The following PPP1R1C variants were observed in gnomAD, a reference collection of about 807,000 sequenced individuals.
PPP1R1C encodes protein phosphatase 1 regulatory inhibitor subunit 1C.
Under a neutral mutation model 17.4 loss-of-function variants are expected in PPP1R1C, and 15 were observed. That is an observed-to-expected ratio of 0.86 (90% confidence interval 0.58 to 1.33). The LOEUF (loss-of-function observed/expected upper bound fraction) is 1.33, where lower values mean the gene tolerates loss of function less well. Ranked by LOEUF, PPP1R1C falls within the 40% of genes most tolerant of loss-of-function variation. The pLI is 0.00. For missense variants in PPP1R1C, 143 were observed against 130.0 expected, an observed-to-expected ratio of 1.10 and a Z score of -0.48; for synonymous variants, 35 against 43.1, an observed-to-expected ratio of 0.81 and a Z score of 0.73.
chr2:181,965,960 A>G (rs1367675694), intron 1 of PPP1R1C, among the ~76,000 whole-genome samples: 3 of 152,098 alleles, frequency 2.0e-5, no homozygotes, highest in South Asian at 4.1e-4. Flanking sequence ...GCACTCTTTC[A>G]TTTCCTCTTT....
At chr2:182,096,190 A>G (rs2125224549) in intron 4 of PPP1R1C, among the ~76,000 whole-genome samples, 1 of 152,288 alleles carries the variant, frequency 6.6e-6, no homozygotes, top group South Asian at 2.1e-4. Context: ...TTGGACAAAA[A>G]GGGCTATAAT....
At chr2:182,003,687 A>ATG (rs113337793) in intron 2 of PPP1R1C, among the ~76,000 whole-genome samples, 4,925 of 148,970 alleles carry the variant, frequency 0.033, 139 homozygotes, top group African/African-American at 0.073. Context: ...TTTTTGCTGG[A>ATG]TGTGTGTGTG....
chr2:182,035,917 C>G (rs1213488627), intron 2 of PPP1R1C, among the ~76,000 whole-genome samples: 3 of 152,234 alleles, frequency 2.0e-5, no homozygotes, highest in African/African-American at 7.2e-5. Context: ...TTGTTTCTGA[C>G]TAATCCTAGA....
At chr2:182,117,131 T>C in intron 4 of PPP1R1C, 76 bp from the exon 5 acceptor site, 1 of 1,039,434 alleles carries the variant, frequency 9.6e-7, no homozygotes, top group East Asian at 2.6e-5. Flanking sequence ...ACTCTTTTCT[T>C]TATCTTTTGC....
intron 4 of PPP1R1C, among the ~76,000 whole-genome samples, chr2:182,078,952 A>G (rs1399371897): frequency 2.6e-5 from 4 of 152,250 alleles, no homozygotes; most frequent in Non-Finnish European, 4.4e-5. Flanking sequence ...CAGGCAACAT[A>G]CAGTCAATCA....
chr2:181,962,098 A>G lies in PPP1R1C; in HGVS notation n.111+7464A>G, dbSNP rs1684809346. 1.4e-6 allele frequency: 1 copy of G among 720,572 alleles called. No homozygotes were observed. Among genetic ancestry groups the G allele is most frequent in the African/African-American group, 1.7e-5 (1 of 57,346 alleles). The allele number at this position is 720,572 out of a possible 1,614,324, so 44.6% of individuals were successfully genotyped here. ...GGTCCTCGATGGTCTTGAGGTAATGACTCCAGTCTCTGACCTGGAGTCCCT... is the reference window on the plus strand; with the variant it reads ...GGTCCTCGATGGTCTTGAGGTAATGGCTCCAGTCTCTGACCTGGAGTCCCT... On this transcript the variant is annotated intron_variant and non_coding_transcript_variant, in intron 1 of 5. Coordinates refer to the PPP1R1C transcript ENST00000464264. This position sits in a 1 kb window ranked among gnomAD's most constrained non-coding sequence, Gnocchi z 6.0.
chr2:182,104,424 A>G (rs565919503), intron 4 of PPP1R1C, among the ~76,000 whole-genome samples: 30 of 152,262 alleles, frequency 2.0e-4, no homozygotes, highest in African/African-American at 7.0e-4. Flanking sequence ...AATTTTGTCA[A>G]ATACTTTTTC....
At chr2:182,077,068 A>T (rs1688335320) in intron 4 of PPP1R1C, among the ~76,000 whole-genome samples, 1 of 152,180 alleles carries the variant, frequency 6.6e-6, no homozygotes, top group Admixed American at 6.5e-5. Context: ...ACATAATGAA[A>T]ACTTCTAGTC....
At chr2:182,060,913 A>T (rs1013263334) in intron 2 of PPP1R1C, among the ~76,000 whole-genome samples, 2 of 152,160 alleles carry the variant, frequency 1.3e-5, no homozygotes, top group African/African-American at 4.8e-5. Flanking sequence ...CAGCACAATC[A>T]TAAGAAGCCA....
chr2:181,998,593 CA>C (rs545147225), intron 2 of PPP1R1C, among the ~76,000 whole-genome samples: 190 of 152,276 alleles, frequency 1.2e-3, no homozygotes, highest in African/African-American at 3.8e-3. Flanking sequence ...AGGAAACGAA[CA>C]GAAGAAAGGG....
At chr2:182,081,331 T>A (rs1688469452) in intron 4 of PPP1R1C, among the ~76,000 whole-genome samples, 1 of 152,220 alleles carries the variant, frequency 6.6e-6, no homozygotes, top group Admixed American at 6.5e-5. Context: ...TGTATAATTT[T>A]TTTTCAAGTT....
chr2:182,052,065 G>C (rs1687538473), intron 2 of PPP1R1C, among the ~76,000 whole-genome samples: 1 of 151,872 alleles, frequency 6.6e-6, no homozygotes, highest in Non-Finnish European at 1.5e-5. Context: ...AAATTATTAA[G>C]CATCAATTCT....
chr2:181,984,328 A>G (rs1230032772), upstream of PPP1R1C, among the ~76,000 whole-genome samples: 1 of 152,198 alleles, frequency 6.6e-6, no homozygotes, highest in East Asian at 1.9e-4. Flanking sequence ...GTTCTTAATT[A>G]TTACATTATG....
At chr2:181,972,936 A>G (rs1409414293) in intron 1 of PPP1R1C, among the ~76,000 whole-genome samples, 1 of 152,194 alleles carries the variant, frequency 6.6e-6, no homozygotes. Flanking sequence ...ATTAAGAATT[A>G]TCTGTTTGCT....
chr2:182,011,562 A>G (rs1314693894), intron 2 of PPP1R1C, among the ~76,000 whole-genome samples: 2 of 151,880 alleles, frequency 1.3e-5, no homozygotes, highest in Non-Finnish European at 2.9e-5. Context: ...CAAAAACCCA[A>G]CTTTTCATTT....
chr2:182,064,757 G>A (rs1687941436), intron 4 of PPP1R1C, among the ~76,000 whole-genome samples: 1 of 151,312 alleles, frequency 6.6e-6, no homozygotes, highest in African/African-American at 2.4e-5. Flanking sequence ...CAGCATTGTA[G>A]TTTATTCCAG....
chr2:182,039,803 C>T (rs1009502029), intron 2 of PPP1R1C, among the ~76,000 whole-genome samples: 1 of 152,118 alleles, frequency 6.6e-6, no homozygotes, highest in African/African-American at 2.4e-5. Flanking sequence ...CTTCACCCCC[C>T]TCACCCTCTC....
intron 1 of PPP1R1C, among the ~76,000 whole-genome samples, chr2:181,958,273 G>T (rs968453439): frequency 1.3e-5 from 2 of 152,194 alleles, no homozygotes; most frequent in African/African-American, 4.8e-5. Context: ...TACTGATTTT[G>T]TCCTGGCTTG....
intron 2 of PPP1R1C, among the ~76,000 whole-genome samples, chr2:182,050,960 C>A (rs1331535931): frequency 6.6e-6 from 1 of 152,168 alleles, no homozygotes; most frequent in Admixed American, 6.5e-5. Flanking sequence ...AAAAGAGAAT[C>A]AAACACATCC....
Sources: allele counts gnomAD v4.1 joint callset (sites outside exome capture counted in the v4.1 genomes callset), GRCh38; gene constraint gnomAD v4.1.1; non-coding constraint Gnocchi (gnomAD v3.1); transcripts MANE v1.5; gene names NCBI Gene and HGNC (gene_info 2026-07-23, HGNC 2026-07-21).